Variants in MGAT5 observed in about 807,000 individuals in gnomAD.
MGAT5 encodes the protein alpha-1,6-mannosylglycoprotein 6-beta-N-acetylglucosaminyltransferase A.
In MGAT5, 30 loss-of-function variants were observed where a neutral mutation model predicts 94.3. The observed-to-expected ratio is 0.32, with a 90% CI of 0.24 to 0.43. MGAT5 has a LOEUF of 0.43. MGAT5 is among the 20% of genes least tolerant of loss of function. The probability of loss-of-function intolerance (pLI) is 1.00; values close to 1 mark genes in which losing one functional copy is unlikely to be tolerated. For synonymous variants in MGAT5, 310 were observed against 322.9 expected, an observed-to-expected ratio of 0.96 and a Z score of 0.43; for missense variants, 691 against 905.5, an observed-to-expected ratio of 0.76 and a Z score of 3.04.
chr2:134,182,839 T>C (rs944606374), intron 1 of MGAT5, among the ~76,000 whole-genome samples: 4 of 140,736 alleles, frequency 2.8e-5, no homozygotes, highest in Admixed American at 1.6e-4. Flanking sequence ...CAGGCTAGAG[T>C]GCAGTGGCCT....
intron 4 of MGAT5, among the ~76,000 whole-genome samples, chr2:134,323,708 A>C (rs114862491): frequency 0.029 from 4,340 of 152,170 alleles, 210 homozygotes; most frequent in African/African-American, 0.098. Flanking sequence ...ACTTGAATGA[A>C]TAGATCTTCA....
At chr2:134,328,306 G>T (rs1464866461) in intron 4 of MGAT5, among the ~76,000 whole-genome samples, 1 of 151,970 alleles carries the variant, frequency 6.6e-6, no homozygotes, top group East Asian at 1.9e-4. Context: ...AGCCAGTTCT[G>T]TACTTTGTGT....
intron 4 of MGAT5, among the ~76,000 whole-genome samples, chr2:134,320,442 A>G (rs1355960899): frequency 6.6e-6 from 1 of 151,422 alleles, no homozygotes; most frequent in African/African-American, 2.4e-5. Flanking sequence ...AAGGATATCC[A>G]TTTCACCTAG....
intron 10 of MGAT5, among the ~76,000 whole-genome samples, chr2:134,388,818 G>T (rs565685917): frequency 1.3e-5 from 2 of 151,592 alleles, no homozygotes; most frequent in East Asian, 3.9e-4. Context: ...CTGGAGTGCA[G>T]TGGTGCAATC....
chr2:134,219,110 G>A (rs1353594969), intron 1 of MGAT5, among the ~76,000 whole-genome samples: 1 of 152,152 alleles, frequency 6.6e-6, no homozygotes, highest in Admixed American at 6.5e-5. Context: ...TGAGTGCGGT[G>A]GAGTGGGCTG....
chr2:134,189,592 G>GTTTTTTTTTTTTTTTTTTT lies in MGAT5; in HGVS notation c.-142-64661_-142-64660insTTTTTTTTTTTTTTTTTTT, dbSNP rs113582076. On this transcript the variant is annotated intron_variant, in intron 1 of 16. Coordinates refer to the MGAT5 transcript ENST00000409645. The stretch of plus-strand genomic sequence containing the variant: ...ACATATGACTAACCTCATGGCTCTA[G>GTTTTTTTTTTTTTTTTTTT]TTTTTTTTTGTTTTTTTTTTTTTTT... Among the ~76,000 whole-genome samples, 132 of 56,250 alleles carry GTTTTTTTTTTTTTTTTTTT rather than the reference G, an allele frequency of 2.3e-3. 6 individuals are homozygous for GTTTTTTTTTTTTTTTTTTT. Among genetic ancestry groups the GTTTTTTTTTTTTTTTTTTT allele is most frequent in the African/African-American group, 5.7e-3 (91 of 16,094 alleles). The allele number at this position is 56,250 out of a possible 152,430, so 36.9% of individuals were successfully genotyped here.
intron 2 of MGAT5, among the ~76,000 whole-genome samples, chr2:134,291,378 G>A (rs1183988083): frequency 6.6e-6 from 1 of 152,172 alleles, no homozygotes; most frequent in Non-Finnish European, 1.5e-5. Flanking sequence ...CAGGAAGAGG[G>A]TCCTCACCAG....
chr2:134,182,780 G>GTTTTTTTT (rs5834402), intron 1 of MGAT5, among the ~76,000 whole-genome samples: 6 of 87,050 alleles, frequency 6.9e-5, no homozygotes, highest in Non-Finnish European at 1.1e-4. Context: ...TAGAAGATTA[G>GTTTTTTTT]TTTTTTTTTT....
intron 2 of MGAT5, among the ~76,000 whole-genome samples, chr2:134,278,606 G>A (rs116762439): frequency 2.2e-3 from 336 of 152,318 alleles, no homozygotes; most frequent in African/African-American, 7.7e-3. Flanking sequence ...TCATGTCATG[G>A]TTTGGCTTTC....
At chr2:134,349,266 A>G (rs1426580172) in intron 8 of MGAT5, among the ~76,000 whole-genome samples, 1 of 152,188 alleles carries the variant, frequency 6.6e-6, no homozygotes, top group African/African-American at 2.4e-5. Flanking sequence ...TTCTATTACT[A>G]TCAGATATAT....
At chr2:134,194,683 A>G (rs1679412656) in intron 1 of MGAT5, among the ~76,000 whole-genome samples, 1 of 152,098 alleles carries the variant, frequency 6.6e-6, no homozygotes, top group Non-Finnish European at 1.5e-5. Flanking sequence ...ACTTCAAGGT[A>G]GATATAGAGA....
intron 4 of MGAT5, among the ~76,000 whole-genome samples, chr2:134,326,145 C>G (rs1687636636): frequency 6.7e-6 from 1 of 150,044 alleles, no homozygotes; most frequent in Non-Finnish European, 1.5e-5. Flanking sequence ...AGGAATACTT[C>G]TGTGCAGAGA....
intron 2 of MGAT5, among the ~76,000 whole-genome samples, chr2:134,301,588 T>C (rs72978137): frequency 0.017 from 2,646 of 152,304 alleles, 85 homozygotes; most frequent in African/African-American, 0.06. Flanking sequence ...GAGGCAGAAC[T>C]GCCAAGAGAG....
At chr2:134,232,500 G>A (rs1033300453) in intron 1 of MGAT5, among the ~76,000 whole-genome samples, 2 of 152,084 alleles carry the variant, frequency 1.3e-5, no homozygotes, top group Admixed American at 6.5e-5. Context: ...TCCCCAAACA[G>A]GATGATACCC....
chr2:134,244,044 A>G (rs1682105690), intron 1 of MGAT5, among the ~76,000 whole-genome samples: 1 of 152,186 alleles, frequency 6.6e-6, no homozygotes, highest in South Asian at 2.1e-4. Context: ...GAGTGTTGCC[A>G]GAAGTCTGAT....
intron 10 of MGAT5, among the ~76,000 whole-genome samples, chr2:134,385,306 T>TA (rs1276821991): frequency 2.6e-5 from 4 of 152,212 alleles, no homozygotes; most frequent in Non-Finnish European, 5.9e-5. Context: ...CAAGTACTGC[T>TA]ATGCATTAAA....
At chr2:134,218,587 C>G (rs557545531) in intron 1 of MGAT5, among the ~76,000 whole-genome samples, 190 of 152,216 alleles carry the variant, frequency 1.2e-3, no homozygotes, top group African/African-American at 4.4e-3. Flanking sequence ...GGTCTGCCGT[C>G]CTGTGGCAGG....
rs1573714582 is a variant in MGAT5 at position 134,131,716 on chromosome 2, C to T, written c.-143+11425C>T. On this transcript the variant is annotated intron_variant, in intron 1 of 16. Coordinates refer to the MGAT5 transcript ENST00000409645. The stretch of plus-strand genomic sequence containing the variant: ...TTCCTTCTTCCCCCACCCTGGTCCC[C>T]CGCCCCCTTTTGGCTATGTGACTTG... 2.0e-5 allele frequency among the ~76,000 whole-genome samples: 3 copies of T among 151,930 alleles called. No individual in the cohort carries two copies. The South Asian group carries it at 6.3e-4, about 32-fold the overall frequency.
chr2:134,406,913 C>T (rs370640969), intron 11 of MGAT5, among the ~76,000 whole-genome samples: 4 of 152,056 alleles, frequency 2.6e-5, no homozygotes, highest in African/African-American at 9.6e-5. Flanking sequence ...TCTGAAATAC[C>T]CAGGGCTTGA....
Sources: allele counts gnomAD v4.1 joint callset (sites outside exome capture counted in the v4.1 genomes callset), GRCh38; gene constraint gnomAD v4.1.1; transcripts MANE v1.5; gene names NCBI Gene and HGNC (gene_info 2026-07-23, HGNC 2026-07-21).